RCOR1: variants seen among roughly 807,000 people sequenced by gnomAD.
RCOR1 encodes REST corepressor 1.
In RCOR1, 12 loss-of-function variants were observed where a neutral mutation model predicts 64.0. That is an observed-to-expected ratio of 0.19 (90% CI 0.12 to 0.30). The LOEUF is 0.30. Among genes scored for constraint, RCOR1 ranks in the 10% least tolerant of loss-of-function variants. RCOR1 has a pLI of 1.00. For synonymous variants in RCOR1, 279 were observed against 227.2 expected (o/e 1.23, Z -2.05); for missense variants, 502 against 621.2 (o/e 0.81, Z 2.04).
chr14:102,663,458 C>A (rs1030461443), intron 2 of RCOR1, among the ~76,000 whole-genome samples: 2 of 152,166 alleles, frequency 1.3e-5, no homozygotes, highest in East Asian at 1.9e-4. Context: ...GGAACTCTTA[C>A]AACATTGGTG....
chr14:102,668,352 T>C (rs1213100365), intron 2 of RCOR1, among the ~76,000 whole-genome samples: 1 of 152,220 alleles, frequency 6.6e-6, no homozygotes, highest in Non-Finnish European at 1.5e-5. Flanking sequence ...TGAAGACCTA[T>C]GGAAAGCAAT....
At chr14:102,705,725 C>T (rs1474341269) in intron 4 of RCOR1, among the ~76,000 whole-genome samples, 3 of 152,158 alleles carry the variant, frequency 2.0e-5, no homozygotes, top group African/African-American at 7.2e-5. Flanking sequence ...TCCCAGAGTG[C>T]TGGGGTTACA....
At chr14:102,657,311 T>G (rs1011068360) in intron 2 of RCOR1, 5 of 985,260 alleles carry the variant, frequency 5.1e-6, no homozygotes, top group Non-Finnish European at 4.8e-6. Context: ...TATGTCCTCA[T>G]GTTCAAGGAG....
intron 2 of RCOR1, among the ~76,000 whole-genome samples, chr14:102,663,066 C>T (rs994732132): frequency 9.2e-5 from 14 of 152,130 alleles, no homozygotes; most frequent in Non-Finnish European, 1.9e-4. Context: ...AATCATGAGG[C>T]CAGATCTTTC....
intron 2 of RCOR1, among the ~76,000 whole-genome samples, chr14:102,597,625 G>A (rs1367050057): frequency 4.5e-5 from 5 of 111,016 alleles, no homozygotes; most frequent in Admixed American, 1.0e-4. Context: ...CACTGCGCCC[G>A]ACCTTTTTTT....
chr14:102,649,871 G>A, intron 2 of RCOR1: 1 of 746,148 alleles, frequency 1.3e-6, no homozygotes, highest in Non-Finnish European at 1.6e-6. Flanking sequence ...GGTTGTGTAT[G>A]AAGGCAGTGA....
Position 102,592,754 on chromosome 14 carries a change from C to T in RCOR1, c.-133C>T, listed in dbSNP as rs1893152715. ...CTGCCCGTTTGGGCCTCCCCCGACT[C>T]GGACTCGCGCCCGTGGGCTCCCGCC... On this transcript the variant is annotated 5_prime_UTR_variant, in exon 1 of 12. Coordinates refer to ENST00000262241, the MANE Select transcript of RCOR1 (RefSeq NM_015156.4). 3 of 1,214,580 alleles carry T rather than the reference C, an allele frequency of 2.5e-6. No homozygotes were observed. The highest frequency in any genetic ancestry group is 3.1e-6 in the Non-Finnish European group (3 of 977,168). 75.2% of individuals were successfully genotyped at this position (1,214,580 alleles called of 1,614,324 possible).
chr14:102,702,505 TTAAAA>T (rs1038724249), intron 4 of RCOR1, among the ~76,000 whole-genome samples: 5 of 150,386 alleles, frequency 3.3e-5, no homozygotes, highest in African/African-American at 9.7e-5. Flanking sequence ...TATATAATTT[TTAAAA>T]TAAAAGAATA....
At position 102,659,279 on chromosome 14, in the gene RCOR1, C is replaced by CA. The variant is rs1342304710; in HGVS notation, c.362-22612dup. On this transcript the variant is annotated intron_variant, in intron 2 of 11. Coordinates refer to ENST00000262241, the MANE Select transcript of RCOR1 (RefSeq NM_015156.4). The stretch of plus-strand genomic sequence containing the variant: ...GCAGGGTTGCATTGGCCTTCACTAT[C>CA]AAAACAAATGTCTCATCTGATCAGC... 3 of 984,474 alleles carry CA rather than the reference C, an allele frequency of 3.0e-6. No homozygotes were observed. In the African/African-American group the frequency reaches 5.2e-5, roughly 17 times the overall value. The allele number at this position is 984,474 out of a possible 1,614,324, so 61.0% of individuals were successfully genotyped here.
chr14:102,629,735 G>A (rs933223295), intron 2 of RCOR1, among the ~76,000 whole-genome samples: 5 of 152,236 alleles, frequency 3.3e-5, no homozygotes, highest in African/African-American at 9.6e-5. Flanking sequence ...CTAGCTCCAC[G>A]TGTGTGCGAG....
chr14:102,692,305 T>C (rs1169661855), intron 3 of RCOR1, among the ~76,000 whole-genome samples: 1 of 152,208 alleles, frequency 6.6e-6, no homozygotes. Context: ...GATTAAAGTA[T>C]TGTTTCCGTG....
chr14:102,685,213 A>G (rs1042394642), intron 3 of RCOR1, among the ~76,000 whole-genome samples: 2 of 152,166 alleles, frequency 1.3e-5, no homozygotes, highest in African/African-American at 2.4e-5. Context: ...ATAATGCATA[A>G]TATATAATTG....
rs184098308 is a variant in RCOR1, at chr14:102,690,303, A to G, written c.445+8325A>G. Among the ~76,000 whole-genome samples, 666 of 152,292 alleles carry G rather than the reference A, an allele frequency of 4.4e-3. 6 individuals are homozygous for G. In the Middle Eastern group the frequency reaches 0.058, roughly 13 times the overall value. On this transcript the variant is annotated intron_variant, in intron 3 of 11. Coordinates refer to ENST00000262241, the MANE Select transcript of RCOR1 (RefSeq NM_015156.4). ...TGTAATATATCATATATAATTCTAAACTTTCATGTAGATACATAGTAAATG... is the reference window on the plus strand; with the variant it reads ...TGTAATATATCATATATAATTCTAAGCTTTCATGTAGATACATAGTAAATG...
intron 2 of RCOR1, among the ~76,000 whole-genome samples, chr14:102,631,297 G>A (rs1162997993): frequency 1.3e-5 from 2 of 151,624 alleles, no homozygotes; most frequent in East Asian, 3.9e-4. Context: ...TCGCCTCCCA[G>A]GTTCACGCCG....
At chr14:102,648,734 T>A (rs1470286154) in intron 2 of RCOR1, among the ~76,000 whole-genome samples, 4 of 152,212 alleles carry the variant, frequency 2.6e-5, no homozygotes, top group Non-Finnish European at 2.9e-5. Flanking sequence ...TTTCCTTTCC[T>A]TATTTGTAGC....
intron 2 of RCOR1, among the ~76,000 whole-genome samples, chr14:102,605,956 C>G (rs1286118345): frequency 6.6e-6 from 1 of 152,088 alleles, no homozygotes; most frequent in African/African-American, 2.4e-5. Context: ...AATGGAGTCT[C>G]GCTCTGTTGC....
chr14:102,691,636 AT>A (rs1895534754), intron 3 of RCOR1, among the ~76,000 whole-genome samples: 1 of 152,158 alleles, frequency 6.6e-6, no homozygotes. Flanking sequence ...CATCACTTTA[AT>A]TTTTTTAAGT....
At chr14:102,714,385 T>G in intron 7 of RCOR1, 38 bp from the exon 8 acceptor site, 1 of 1,415,926 alleles carries the variant, frequency 7.1e-7, no homozygotes, top group Non-Finnish European at 9.6e-7. Flanking sequence ...CATTTGACTT[T>G]TTTTAAGTTT....
At chr14:102,615,968 C>T (rs1567408976) in intron 2 of RCOR1, among the ~76,000 whole-genome samples, 1 of 152,176 alleles carries the variant, frequency 6.6e-6, no homozygotes, top group Admixed American at 6.6e-5. Flanking sequence ...TCAGTTCTGA[C>T]ACTGTCTACA....
Sources: allele counts gnomAD v4.1 joint callset (sites outside exome capture counted in the v4.1 genomes callset), GRCh38; gene constraint gnomAD v4.1.1; transcripts MANE v1.5; gene names NCBI Gene and HGNC (gene_info 2026-07-23, HGNC 2026-07-21).